Variants in COPG2 observed in about 807,000 individuals in gnomAD.
COPG2 encodes coat protein complex I subunit gamma 2, also known as coatomer subunit gamma-2.
COPG2 carries 37 observed loss-of-function variants against 46.3 expected under a neutral mutation model. That is an observed-to-expected ratio of 0.80 (90% CI 0.61 to 1.05). The LOEUF (loss-of-function observed/expected upper bound fraction) is 1.05, where lower values mean the gene tolerates loss of function less well. Among genes scored for constraint, COPG2 ranks in the 50% least tolerant of loss-of-function variants. COPG2 has a pLI of 0.00. For synonymous variants in COPG2, 159 were observed against 129.7 expected (o/e 1.23, Z -1.53); for missense variants, 427 against 387.8 (o/e 1.10, Z -0.85).
chr7:130,652,951 G>A lies in COPG2; in HGVS notation c.244-3C>T. 6.3e-7 allele frequency: 1 copy of A among 1,583,170 alleles called. No homozygotes were observed. The highest frequency in any genetic ancestry group is 1.1e-5 in the South Asian group (1 of 87,352). On this transcript the variant is annotated splice_region_variant and splice_polypyrimidine_tract_variant and intron_variant, in intron 4 of 23. Transcript: ENST00000425248. ...TAGCACATTCTCCTCAATGTTTGCTGAAAAATCATTTATAAAAGGTAACAG... is the reference window on the plus strand; with the variant it reads ...TAGCACATTCTCCTCAATGTTTGCTAAAAAATCATTTATAAAAGGTAACAG...
intron 5 of COPG2, among the ~76,000 whole-genome samples, chr7:130,642,901 T>C (rs1563068874): frequency 3.3e-5 from 5 of 152,048 alleles, no homozygotes; most frequent in Admixed American, 2.0e-4. Context: ...CACACAGCTG[T>C]AATCCCAGCT....
intron 5 of COPG2, among the ~76,000 whole-genome samples, chr7:130,635,800 T>C (rs557100852): frequency 6.9e-4 from 105 of 152,326 alleles, no homozygotes; most frequent in African/African-American, 2.4e-3. Context: ...GATATTGGGG[T>C]GTAGATTTTA....
intron 20 of COPG2, among the ~76,000 whole-genome samples, chr7:130,512,607 C>T (rs1799613678): frequency 1.3e-5 from 2 of 151,958 alleles, no homozygotes. Context: ...TGGTGAAACC[C>T]CGTCTCTACT....
chr7:130,645,262 G>T, intron 5 of COPG2: 1 of 665,932 alleles, frequency 1.5e-6, no homozygotes, highest in Admixed American at 1.8e-5. Context: ...TTGGCAAAGA[G>T]ATATTACCTG....
intron 4 of COPG2, among the ~76,000 whole-genome samples, chr7:130,660,112 C>G (rs1184341949): frequency 6.6e-6 from 1 of 152,170 alleles, no homozygotes; most frequent in Non-Finnish European, 1.5e-5. Context: ...CTGGCAAAAT[C>G]TCTACCTCTC....
rs572901091 is a variant in COPG2, at chr7:130,593,875, G to A, written c.737+17078C>T. On this transcript the variant is annotated intron_variant, in intron 9 of 23. Coordinates refer to ENST00000425248, the MANE Select transcript of COPG2 (RefSeq NM_012133.6). ...GGATATATTTGTGAATTTGGGGTAA[G>A]AAAATGTTTCTTATGCAAGACACCA... 1.1e-4 allele frequency among the ~76,000 whole-genome samples: 17 copies of A among 152,216 alleles called. No homozygotes were observed. The South Asian group carries it at 3.5e-3, about 32-fold the overall frequency.
intron 9 of COPG2, among the ~76,000 whole-genome samples, chr7:130,601,463 C>G (rs782496440): frequency 2.6e-5 from 4 of 152,200 alleles, no homozygotes; most frequent in Non-Finnish European, 5.9e-5. Context: ...CACATATACA[C>G]CATGTAATAC....
chr7:130,524,570 C>G (rs1017248194), intron 20 of COPG2, among the ~76,000 whole-genome samples: 5 of 152,146 alleles, frequency 3.3e-5, no homozygotes, highest in Admixed American at 1.3e-4. Context: ...CTGTTGAGAG[C>G]AGGAGGGATG....
chr7:130,653,792 T>G (rs1234939518), intron 4 of COPG2, among the ~76,000 whole-genome samples: 1 of 152,016 alleles, frequency 6.6e-6, no homozygotes, highest in Non-Finnish European at 1.5e-5. Flanking sequence ...ACCTTGATAC[T>G]ACTGAACCCA....
At chr7:130,557,670 T>C (rs918051219) in intron 12 of COPG2, among the ~76,000 whole-genome samples, 29 of 151,452 alleles carry the variant, frequency 1.9e-4, no homozygotes, top group Non-Finnish European at 5.9e-5. Flanking sequence ...TAGCTGGGCA[T>C]GGTGGCGGGT....
intron 20 of COPG2, among the ~76,000 whole-genome samples, chr7:130,543,894 G>C (rs1793383690): frequency 6.6e-6 from 1 of 152,206 alleles, no homozygotes; most frequent in East Asian, 1.9e-4. Context: ...AAGGAAATGA[G>C]GGAAATTTCA....
At chr7:130,643,030 C>T (rs1401209120) in intron 5 of COPG2, among the ~76,000 whole-genome samples, 2 of 151,736 alleles carry the variant, frequency 1.3e-5, no homozygotes, top group African/African-American at 2.4e-5. Context: ...AACTATAGGC[C>T]GGGCGCGGTG....
chr7:130,573,382 A>G lies in COPG2; in HGVS notation c.738-8989T>C, dbSNP rs148171066. On this transcript the variant is annotated intron_variant, in intron 9 of 23. Coordinates refer to ENST00000425248, the MANE Select transcript of COPG2 (RefSeq NM_012133.6). Reference sequence around the variant, plus strand: ...AGTACTATTCAGATAAAAAAGCATGACAAATATTTCACAAGAAAATTACAG... The same window carrying G: ...AGTACTATTCAGATAAAAAAGCATGGCAAATATTTCACAAGAAAATTACAG... 5.8e-3 allele frequency among the ~76,000 whole-genome samples: 888 copies of G among 152,208 alleles called. 6 individuals carry two copies. The highest frequency in any genetic ancestry group is 0.02 in the African/African-American group (838 of 41,576).
chr7:130,607,786 T>C (rs1554451483), intron 9 of COPG2: 1 of 520,144 alleles, frequency 1.9e-6, no homozygotes, highest in African/African-American at 1.9e-5. Context: ...AGAAATACTG[T>C]AGCTTTCTGT....
chr7:130,603,769 GTAC>G, intron 9 of COPG2: 1 of 486,880 alleles, frequency 2.1e-6, no homozygotes, highest in Non-Finnish European at 4.1e-6. Context: ...ATGAATAACA[GTAC>G]TATAGGCATC....
chr7:130,648,379 C>T (rs1484863091), intron 5 of COPG2, among the ~76,000 whole-genome samples: 1 of 152,074 alleles, frequency 6.6e-6, no homozygotes, highest in Non-Finnish European at 1.5e-5. Flanking sequence ...TTCATTCACC[C>T]CCTTCCAAGA....
intron 9 of COPG2, among the ~76,000 whole-genome samples, chr7:130,582,392 C>T (rs1297912741): frequency 6.7e-5 from 10 of 149,448 alleles, no homozygotes; most frequent in African/African-American, 2.4e-4. Context: ...ACCATAAAAA[C>T]CCTAGAAGAA....
chr7:130,535,845 A>G (rs1799874880), intron 20 of COPG2, among the ~76,000 whole-genome samples: 1 of 151,988 alleles, frequency 6.6e-6, no homozygotes, highest in Non-Finnish European at 1.5e-5. Flanking sequence ...CAGGCTAGAG[A>G]AGACATCTGA....
At chr7:130,586,616 C>T (rs1794275976) in intron 9 of COPG2, among the ~76,000 whole-genome samples, 1 of 151,910 alleles carries the variant, frequency 6.6e-6, no homozygotes, top group Non-Finnish European at 1.5e-5. Context: ...GCACCCGCCA[C>T]CACGCCGGGC....
Sources: gnomAD v4.1 joint callset for allele counts (sites outside exome capture counted in the v4.1 genomes callset) on GRCh38, gnomAD v4.1.1 for gene constraint, MANE v1.5 for transcripts, NCBI Gene and HGNC (gene_info 2026-07-23, HGNC 2026-07-21) for gene names.